The following RICTOR variants were observed in gnomAD, a reference collection of about 807,000 sequenced individuals.
RICTOR encodes RPTOR independent companion of MTOR complex 2.
A neutral mutation model predicts 214.9 loss-of-function variants in RICTOR; 49 were observed. The observed-to-expected ratio is 0.23, with a 90% CI of 0.18 to 0.29. The LOEUF (loss-of-function observed/expected upper bound fraction) is 0.29, where lower values mean the gene tolerates loss of function less well. RICTOR is among the 10% of genes least tolerant of loss of function. The pLI, the probability that RICTOR is intolerant of heterozygous loss-of-function variation, is 1.00. For synonymous variants in RICTOR, 717 were observed against 711.3 expected (o/e 1.01, Z -0.13); for missense variants, 1,625 against 2,047.0 (o/e 0.79, Z 3.98).
intron 3 of RICTOR, among the ~76,000 whole-genome samples, chr5:39,012,823 C>A (rs1297928795): frequency 6.6e-6 from 1 of 152,098 alleles, no homozygotes; most frequent in African/African-American, 2.4e-5. Context: ...ACTCCCCATG[C>A]CATCCATGCA....
intron 26 of RICTOR, 102 bp downstream of exon 26, chr5:38,955,493 G>A (rs1363638177): frequency 1.4e-6 from 1 of 704,252 alleles, no homozygotes; most frequent in East Asian, 2.6e-5. Flanking sequence ...TGCGCATTAA[G>A]ATTCTTCCTA....
chr5:39,036,612 A>G (rs1000737921), intron 2 of RICTOR, among the ~76,000 whole-genome samples: 1 of 152,152 alleles, frequency 6.6e-6, no homozygotes, highest in Non-Finnish European at 1.5e-5. Context: ...AAATAAAGGG[A>G]TGGAGGAAGA....
intron 2 of RICTOR, among the ~76,000 whole-genome samples, chr5:39,054,819 A>C (rs1292686929): frequency 6.6e-6 from 1 of 152,250 alleles, no homozygotes; most frequent in African/African-American, 2.4e-5. Context: ...TAAAATTAGT[A>C]ATCAGGCATT....
chr5:39,016,802 A>G (rs1754995051), intron 3 of RICTOR, among the ~76,000 whole-genome samples: 1 of 152,176 alleles, frequency 6.6e-6, no homozygotes, highest in African/African-American at 2.4e-5. Context: ...GCAAGTGACT[A>G]TGAGCACTGG....
chr5:39,066,013 A>T (rs138518775), intron 2 of RICTOR, among the ~76,000 whole-genome samples: 2,999 of 152,282 alleles, frequency 0.02, 106 homozygotes, highest in African/African-American at 0.068. Context: ...GCAGTGCCCC[A>T]CTGGGGACTC....
At chr5:38,977,736 C>T (rs1451890416) in intron 9 of RICTOR, among the ~76,000 whole-genome samples, 1 of 151,338 alleles carries the variant, frequency 6.6e-6, no homozygotes, top group African/African-American at 2.4e-5. Context: ...GCTGGGAATA[C>T]CCATGCCCAG....
chr5:38,996,742 C>T (rs1753206662), intron 6 of RICTOR, 77 bp downstream of exon 6: 8 of 861,306 alleles, frequency 9.3e-6, no homozygotes, highest in Non-Finnish European at 1.5e-5. Context: ...AAAGATTTCA[C>T]AAAAGTCTAA....
chr5:38,944,224 T>C, intron 36 of RICTOR: 2 of 616,644 alleles, frequency 3.2e-6, no homozygotes, highest in East Asian at 3.4e-5. Flanking sequence ...TCTGGCTTAA[T>C]AGAAGATAGC....
chr5:38,967,287 T>TA (rs1309815568), intron 13 of RICTOR, 50 bp downstream of exon 13: 2 of 1,597,760 alleles, frequency 1.3e-6, no homozygotes, highest in African/African-American at 2.7e-5. Context: ...CAGTCTAACA[T>TA]AAAAACCCGA....
intron 2 of RICTOR, among the ~76,000 whole-genome samples, chr5:39,056,799 A>G (rs930879980): frequency 6.6e-6 from 1 of 152,222 alleles, no homozygotes; most frequent in African/African-American, 2.4e-5. Flanking sequence ...GAGGAAAAAC[A>G]ATCCAGAAAG....
intron 2 of RICTOR, among the ~76,000 whole-genome samples, chr5:39,025,319 TAA>T (rs1755727646): frequency 6.6e-6 from 1 of 152,192 alleles, no homozygotes; most frequent in African/African-American, 2.4e-5. Flanking sequence ...AATAACAGGT[TAA>T]AGTTTCCCTG....
intron 2 of RICTOR, among the ~76,000 whole-genome samples, chr5:39,035,484 C>T (rs564233935): frequency 9.2e-5 from 14 of 152,054 alleles, no homozygotes; most frequent in Middle Eastern, 3.2e-3. Context: ...ATGACTTTGA[C>T]GAGTTGAGAG....
At chr5:39,074,281 G>A in intron 1 of RICTOR, 48 bp downstream of exon 1, 1 of 1,571,030 alleles carries the variant, frequency 6.4e-7, no homozygotes, top group Non-Finnish European at 8.6e-7. Context: ...CAAGTGCCAG[G>A]GGTGGCGGGC....
intron 5 of RICTOR, among the ~76,000 whole-genome samples, chr5:38,998,791 G>A (rs911961504): frequency 6.6e-6 from 1 of 151,982 alleles, no homozygotes; most frequent in African/African-American, 2.4e-5. Flanking sequence ...GAGGCAGGCG[G>A]ATTGCTGGAG....
At chr5:39,020,553 T>A (rs1211216383) in intron 3 of RICTOR, among the ~76,000 whole-genome samples, 3 of 152,232 alleles carry the variant, frequency 2.0e-5, no homozygotes, top group African/African-American at 7.2e-5. Context: ...TTTAAAAACA[T>A]AATGCTATTG....
chr5:38,961,338 A>T lies in RICTOR; in HGVS notation c.1716-805T>A, dbSNP rs1749777163. 2.0e-5 allele frequency among the ~76,000 whole-genome samples: 3 copies of T among 152,268 alleles called. No individual in the cohort carries two copies. In the South Asian group the frequency reaches 6.2e-4, roughly 32 times the overall value. On this transcript the variant is annotated intron_variant, in intron 19 of 37. Transcript: ENST00000357387. Reference sequence around the variant, plus strand: ...ATGAAGAACTTTGTCCCATGGCTCAATAATGTTCTATTGTTAAGATAATAA... The same window carrying T: ...ATGAAGAACTTTGTCCCATGGCTCATTAATGTTCTATTGTTAAGATAATAA...
At chr5:39,040,609 G>T (rs575560587) in intron 2 of RICTOR, among the ~76,000 whole-genome samples, 4 of 151,772 alleles carry the variant, frequency 2.6e-5, no homozygotes, top group Non-Finnish European at 5.9e-5. Flanking sequence ...TCCTTCCAAG[G>T]TTCTTTTTCA....
chr5:39,051,487 G>A (rs1458711527), intron 2 of RICTOR, among the ~76,000 whole-genome samples: 3 of 152,138 alleles, frequency 2.0e-5, no homozygotes, highest in Admixed American at 1.3e-4. Flanking sequence ...GGTGGCTCAC[G>A]CCTATAATCC....
At chr5:39,053,014 A>G (rs1221408730) in intron 2 of RICTOR, among the ~76,000 whole-genome samples, 2 of 152,228 alleles carry the variant, frequency 1.3e-5, no homozygotes, top group Non-Finnish European at 2.9e-5. Flanking sequence ...TGCTACTTTT[A>G]GCAATGAAAT....
Sources: gnomAD v4.1 joint callset for allele counts (sites outside exome capture counted in the v4.1 genomes callset) on GRCh38, gnomAD v4.1.1 for gene constraint, MANE v1.5 for transcripts, NCBI Gene and HGNC (gene_info 2026-07-23, HGNC 2026-07-21) for gene names.